GSE1: variants seen among roughly 807,000 people sequenced by gnomAD.
GSE1 encodes genetic suppressor element 1.
A neutral mutation model predicts 112.6 loss-of-function variants in GSE1; 32 were observed. The ratio of observed to expected loss-of-function variants is 0.28; its 90% confidence interval spans 0.21 to 0.38. The LOEUF (loss-of-function observed/expected upper bound fraction) is 0.38. GSE1 is among the 10% of genes least tolerant of loss of function. The pLI is 1.00. For missense variants in GSE1, 2,348 were observed against 1,699.2 expected (o/e 1.38, Z -6.71); for synonymous variants, 1,115 against 735.6 (o/e 1.52, Z -8.35).
intron 1 of GSE1, among the ~76,000 whole-genome samples, chr16:85,272,106 C>G (rs1057443790): frequency 1.3e-5 from 2 of 152,260 alleles, no homozygotes; most frequent in African/African-American, 4.8e-5. Context: ...TTCCCATCAT[C>G]GTCACCATGC....
chr16:85,226,533 C>T (rs1484304754), intron 1 of GSE1, among the ~76,000 whole-genome samples: 1 of 152,208 alleles, frequency 6.6e-6, no homozygotes, highest in Non-Finnish European at 1.5e-5. Flanking sequence ...AGTCCTGGCT[C>T]AGCTGCCTAC....
chr16:85,516,528 C>T (rs2051945073), intron 2 of GSE1, among the ~76,000 whole-genome samples: 1 of 142,382 alleles, frequency 7.0e-6, no homozygotes, highest in Non-Finnish European at 1.5e-5. Context: ...CGAGTTTGCA[C>T]TGAGACATGA....
chr16:85,376,374 T>G (rs1411081968), intron 2 of GSE1, among the ~76,000 whole-genome samples: 1 of 152,180 alleles, frequency 6.6e-6, no homozygotes, highest in Non-Finnish European at 1.5e-5. Flanking sequence ...ACTGCAACTG[T>G]TGGAACCCTG....
intron 3 of GSE1, among the ~76,000 whole-genome samples, chr16:85,650,595 C>G (rs928885561): frequency 2.0e-5 from 3 of 152,206 alleles, no homozygotes; most frequent in African/African-American, 7.2e-5. Flanking sequence ...GAACATTGAG[C>G]TACCCCAGAG....
intron 2 of GSE1, among the ~76,000 whole-genome samples, chr16:85,421,054 T>C (rs2048831990): frequency 6.6e-6 from 1 of 152,232 alleles, no homozygotes; most frequent in Non-Finnish European, 1.5e-5. Flanking sequence ...CCTACTGTTA[T>C]TACCCGGGGG....
At chr16:85,466,709 G>A (rs1249330464) in intron 2 of GSE1, among the ~76,000 whole-genome samples, 7 of 87,116 alleles carry the variant, frequency 8.0e-5, no homozygotes, top group Admixed American at 4.7e-4. Context: ...TATAGAGAGA[G>A]AGAGGGAGAG....
intron 1 of GSE1, among the ~76,000 whole-genome samples, chr16:85,325,163 T>G (rs573590598): frequency 6.6e-6 from 1 of 152,136 alleles, no homozygotes; most frequent in East Asian, 1.9e-4. Flanking sequence ...AGAGACGAGG[T>G]CTCACTGTGT....
At chr16:85,318,616 G>A (rs981634878) in intron 1 of GSE1, among the ~76,000 whole-genome samples, 3 of 152,194 alleles carry the variant, frequency 2.0e-5, no homozygotes, top group African/African-American at 7.2e-5. Flanking sequence ...TGAGTGATTT[G>A]TGAGAAGCAC....
At chr16:85,295,482 G>T (rs1351880492) in intron 1 of GSE1, among the ~76,000 whole-genome samples, 2 of 152,242 alleles carry the variant, frequency 1.3e-5, no homozygotes, top group Admixed American at 6.5e-5. Flanking sequence ...GGCCGTTTGG[G>T]CTGTCTCCAC....
At chr16:85,629,668 A>G (rs2049380349) in intron 1 of GSE1, among the ~76,000 whole-genome samples, 1 of 152,222 alleles carries the variant, frequency 6.6e-6, no homozygotes, top group South Asian at 2.1e-4. Flanking sequence ...GCCAAGATGT[A>G]GAGTGGCTGG....
In GSE1 at chr16:85,673,336, T is replaced by TA. The variant is rs543792590; in HGVS notation, c.*807dup. On this transcript the variant is annotated 3_prime_UTR_variant, in exon 16 of 16. Coordinates refer to ENST00000253458, the MANE Select transcript of GSE1 (RefSeq NM_014615.5). Reference sequence around the variant, plus strand: ...TCAGCCTTGTACTGTGTATATATATTAAAAAAAAAACAAAGTTTTGTATGT... The same window carrying TA: ...TCAGCCTTGTACTGTGTATATATATTAAAAAAAAAAACAAAGTTTTGTATGT... 456 of 148,832 alleles carry TA rather than the reference T, an allele frequency of 3.1e-3. 2 individuals carry two copies. The highest frequency in any genetic ancestry group is 6.9e-3 in the Middle Eastern group (2 of 290). 9.2% of individuals were successfully genotyped at this position (148,832 alleles called of 1,614,324 possible).
chr16:85,648,308 G>C (rs1414892094), intron 2 of GSE1, among the ~76,000 whole-genome samples: 2 of 152,160 alleles, frequency 1.3e-5, no homozygotes, highest in Non-Finnish European at 2.9e-5. Flanking sequence ...TGTGCCACGT[G>C]AGCAGGGCCC....
intron 1 of GSE1, among the ~76,000 whole-genome samples, chr16:85,353,562 G>A (rs989144313): frequency 1.3e-5 from 2 of 152,184 alleles, no homozygotes; most frequent in East Asian, 1.9e-4. Context: ...AGCCAGAAGC[G>A]ATTGCATCCA....
intron 1 of GSE1, among the ~76,000 whole-genome samples, chr16:85,289,977 G>A (rs759505030): frequency 2.0e-5 from 3 of 152,206 alleles, no homozygotes; most frequent in Non-Finnish European, 2.9e-5. Context: ...TTTAACAAGC[G>A]TGTCCTTGCG....
intron 2 of GSE1, 34 bp from the exon 3 acceptor site, chr16:85,648,518 G>T (rs755007538): frequency 3.3e-6 from 4 of 1,228,008 alleles, no homozygotes; most frequent in Non-Finnish European, 4.5e-6. Context: ...TGTCACTGCG[G>T]CTCCCACTCA....
intron 2 of GSE1, among the ~76,000 whole-genome samples, chr16:85,432,338 T>G (rs897106617): frequency 2.0e-5 from 3 of 152,238 alleles, no homozygotes; most frequent in African/African-American, 7.2e-5. Context: ...AAGTCCGTAT[T>G]GAAGTGAAAC....
At chr16:85,441,174 T>C (rs934678757) in intron 2 of GSE1, among the ~76,000 whole-genome samples, 4 of 152,168 alleles carry the variant, frequency 2.6e-5, no homozygotes, top group Non-Finnish European at 4.4e-5. Context: ...GGCTGGCTCC[T>C]CCTTTGTGGT....
At chr16:85,385,536 G>C (rs758084215) in intron 2 of GSE1, among the ~76,000 whole-genome samples, 8 of 152,186 alleles carry the variant, frequency 5.3e-5, no homozygotes, top group Non-Finnish European at 1.2e-4. Flanking sequence ...AAGCCAAGCG[G>C]AGTTTGTGGC....
intron 1 of GSE1, among the ~76,000 whole-genome samples, chr16:85,327,354 G>C (rs1304638856): frequency 1.3e-5 from 2 of 152,218 alleles, no homozygotes; most frequent in East Asian, 3.8e-4. Flanking sequence ...TGTAATCCCA[G>C]CACTTTGGGA....
Sources: allele counts gnomAD v4.1 joint callset (sites outside exome capture counted in the v4.1 genomes callset), GRCh38; gene constraint gnomAD v4.1.1; transcripts MANE v1.5; gene names NCBI Gene and HGNC (gene_info 2026-07-23, HGNC 2026-07-21).